ACSL3: variants seen among roughly 807,000 people sequenced by gnomAD.
ACSL3 encodes fatty acid CoA ligase Acsl3.
A neutral mutation model predicts 84.7 loss-of-function variants in ACSL3; 34 were observed. The observed-to-expected ratio is 0.40, with a 90% CI of 0.31 to 0.53. ACSL3 has a LOEUF of 0.53. Among genes scored for constraint, ACSL3 ranks in the 20% least tolerant of loss-of-function variants. The pLI is 0.48. For synonymous variants in ACSL3, 315 were observed against 299.4 expected, an observed-to-expected ratio of 1.05 and a Z score of -0.54; for missense variants, 680 against 873.1, an observed-to-expected ratio of 0.78 and a Z score of 2.79.
chr2:222,870,684 A>C (rs1426952380), intron 1 of ACSL3, among the ~76,000 whole-genome samples: 1 of 152,194 alleles, frequency 6.6e-6, no homozygotes, highest in African/African-American at 2.4e-5. Flanking sequence ...GGGCAAAATG[A>C]GCAAAGGCAG....
At chr2:222,923,186 G>T in intron 10 of ACSL3, 37 bp downstream of exon 10, 3 of 1,493,516 alleles carry the variant, frequency 2.0e-6, no homozygotes, top group Non-Finnish European at 2.8e-6. Flanking sequence ...GAGTATTAAA[G>T]AAGTATCACC....
intron 3 of ACSL3, among the ~76,000 whole-genome samples, chr2:222,906,760 G>A (rs1165989235): frequency 2.6e-5 from 4 of 152,016 alleles, no homozygotes; most frequent in Admixed American, 6.6e-5. Context: ...GACTACAGGC[G>A]TGTACCATCA....
In ACSL3 at chr2:222,865,356, C is replaced by T. The variant is rs76641494; in HGVS notation, c.-207+4098C>T. On this transcript the variant is annotated intron_variant, in intron 1 of 16. Coordinates refer to ENST00000357430, the MANE Select transcript of ACSL3 (RefSeq NM_004457.5). ...TTTAGAATTGAAGATACTTAAATAA[C>T]CAACCTTTTGGATAAGTGGCCTCCA... Among the ~76,000 whole-genome samples the T allele has an allele frequency of 4.7e-3, 723 of 152,306 alleles. 8 individuals carry two copies. Among genetic ancestry groups the T allele is most frequent in the African/African-American group, 0.017 (686 of 41,564 alleles).
At chr2:222,872,561 C>T (rs1453666459) in intron 1 of ACSL3, among the ~76,000 whole-genome samples, 1 of 152,084 alleles carries the variant, frequency 6.6e-6, no homozygotes, top group African/African-American at 2.4e-5. Flanking sequence ...TAGTGGACAC[C>T]AAGGATAGAA....
At chr2:222,879,475 T>C (rs933822773) in intron 1 of ACSL3, among the ~76,000 whole-genome samples, 3 of 152,218 alleles carry the variant, frequency 2.0e-5, no homozygotes, top group Non-Finnish European at 4.4e-5. Flanking sequence ...TGCTCACCCA[T>C]GCCTCCCTGT....
intron 15 of ACSL3, among the ~76,000 whole-genome samples, chr2:222,934,153 A>G (rs1391865568): frequency 2.0e-5 from 3 of 152,240 alleles, no homozygotes; most frequent in Non-Finnish European, 2.9e-5. Context: ...GATAGTTTTT[A>G]ATTTATGTTA....
intron 8 of ACSL3, 121 bp downstream of exon 8, chr2:222,921,551 A>G (rs1696739579): frequency 2.1e-6 from 2 of 956,766 alleles, no homozygotes; most frequent in African/African-American, 3.2e-5. Context: ...TGTAGTAGGC[A>G]TTTCCTTAAA....
chr2:222,930,337 T>G (rs1696994185), intron 13 of ACSL3, among the ~76,000 whole-genome samples: 1 of 151,818 alleles, frequency 6.6e-6, no homozygotes. Flanking sequence ...AAATAATTTG[T>G]CTCTTGTATT....
intron 1 of ACSL3, among the ~76,000 whole-genome samples, chr2:222,881,524 C>T (rs1695590865): frequency 6.6e-6 from 1 of 152,156 alleles, no homozygotes; most frequent in Non-Finnish European, 1.5e-5. Flanking sequence ...TCACTCCCCG[C>T]CCCACCCCTG....
intron 16 of ACSL3, among the ~76,000 whole-genome samples, chr2:222,937,413 C>G (rs1297095893): frequency 6.6e-6 from 1 of 151,942 alleles, no homozygotes; most frequent in Non-Finnish European, 1.5e-5. Flanking sequence ...TTGAAGTCTC[C>G]TACTATTATT....
intron 2 of ACSL3, among the ~76,000 whole-genome samples, chr2:222,892,452 A>G (rs1184953700): frequency 1.3e-5 from 2 of 150,806 alleles, no homozygotes; most frequent in East Asian, 3.9e-4. Context: ...ATAGTAAATA[A>G]TAGTCTCTGG....
chr2:222,922,784 C>T lies in ACSL3; in HGVS notation c.1033C>T (p.His345Tyr). ...AAGTGCTGAGCTTGTCTGTCTTTCT[C>T]ACGGATGCCGCATTGGTTACTCTTC... ...ELSAELVCLS[H>Y]GCRIGYSSPQ... The change falls in exon 9 of 17, where the codon CAC becomes TAC. Residue 345 changes from histidine to tyrosine, a missense_variant. Around this residue, in one of 2 missense-constraint regions of ACSL3, gnomAD observed 347 missense variants for 525.7 expected, o/e 0.66. Transcript: ENST00000357430. The T allele has an allele frequency of 5.0e-6, 8 of 1,614,200 alleles. No individual in the cohort carries two copies. The highest frequency in any genetic ancestry group is 2.2e-5 in the South Asian group (2 of 91,084).
intron 1 of ACSL3, among the ~76,000 whole-genome samples, chr2:222,880,832 A>G (rs949939428): frequency 8.6e-6 from 1 of 116,696 alleles, no homozygotes; most frequent in Non-Finnish European, 1.7e-5. Flanking sequence ...TCTGTCTCCC[A>G]AAAAAAAAAA....
chr2:222,933,329 A>ATAGACAT, intron 15 of ACSL3, 49 bp downstream of exon 15: 2 of 1,376,788 alleles, frequency 1.5e-6, no homozygotes, highest in Non-Finnish European at 2.0e-6. Flanking sequence ...TTTGATGTCC[A>ATAGACAT]TAGACATTTC....
At chr2:222,902,431 A>T (rs1559288854) in intron 3 of ACSL3, among the ~76,000 whole-genome samples, 1 of 152,196 alleles carries the variant, frequency 6.6e-6, no homozygotes. Context: ...ATTAAAATAT[A>T]ATTCAAATCC....
intron 13 of ACSL3, among the ~76,000 whole-genome samples, chr2:222,929,305 T>TC (rs1164828329): frequency 8.2e-4 from 4 of 4,886 alleles, no homozygotes; most frequent in Non-Finnish European, 1.1e-3. Context: ...GATTTTTTTC[T>TC]TTTTTTTTCT....
At chr2:222,909,379 G>A (rs1696381114) in intron 4 of ACSL3, among the ~76,000 whole-genome samples, 1 of 152,088 alleles carries the variant, frequency 6.6e-6, no homozygotes. Context: ...CTTCCCCAGT[G>A]TCTACCAGGG....
chr2:222,915,546 G>A (rs1696557635), intron 4 of ACSL3, among the ~76,000 whole-genome samples: 1 of 149,910 alleles, frequency 6.7e-6, no homozygotes. Context: ...ATGTAATTAG[G>A]GATTTATGGT....
intron 11 of ACSL3, among the ~76,000 whole-genome samples, chr2:222,925,144 C>A (rs1383939499): frequency 6.6e-6 from 1 of 152,088 alleles, no homozygotes; most frequent in East Asian, 1.9e-4. Flanking sequence ...CAAGACCAGC[C>A]TGGCCAACGT....
Sources: allele counts gnomAD v4.1 joint callset (sites outside exome capture counted in the v4.1 genomes callset), GRCh38; gene constraint gnomAD v4.1.1; regional missense constraint gnomAD v4.1.1; transcripts MANE v1.5; gene names NCBI Gene and HGNC (gene_info 2026-07-23, HGNC 2026-07-21).